The following IQGAP2 variants were observed in gnomAD, a reference collection of about 807,000 sequenced individuals.
IQGAP2 encodes ras GTPase-activating-like protein IQGAP2.
IQGAP2 carries 173 observed loss-of-function variants against 201.3 expected under a neutral mutation model. That is an observed-to-expected ratio of 0.86 (90% CI 0.76 to 0.98). The LOEUF is 0.98. Ranked by LOEUF, IQGAP2 falls within the 50% of genes least tolerant of loss-of-function variation. The pLI is 0.00. For synonymous variants in IQGAP2, 675 were observed against 673.9 expected, an observed-to-expected ratio of 1.00 and a Z score of -0.03; for missense variants, 1,687 against 1,864.8, an observed-to-expected ratio of 0.90 and a Z score of 1.76.
chr5:76,411,460 C>T (rs1580134144), intron 1 of IQGAP2, among the ~76,000 whole-genome samples: 1 of 152,124 alleles, frequency 6.6e-6, no homozygotes, highest in African/African-American at 2.4e-5. Flanking sequence ...CCCCAAAGTT[C>T]GTGTGTTGGA....
chr5:76,510,475 G>C (rs1433516390), intron 2 of IQGAP2: 1 of 327,670 alleles, frequency 3.1e-6, no homozygotes, highest in Non-Finnish European at 6.0e-6. Context: ...GCAGCACACA[G>C]GTGGCAGGAT....
intron 2 of IQGAP2, among the ~76,000 whole-genome samples, chr5:76,489,366 T>A (rs984351474): frequency 2.6e-5 from 4 of 152,208 alleles, no homozygotes; most frequent in African/African-American, 9.6e-5. Context: ...TAACTTTTTT[T>A]AGGAAAATAT....
Position 76,683,825 on chromosome 5 carries a change from T to G in IQGAP2, c.3813T>G (p.Ser1271Arg), listed in dbSNP as rs1203752605. ...ACCCTAACAAGGCAAATACACTAAG[T>G]CAGCTTTCAAAGACCGAGATTTCTC... Reference protein sequence around the residue: ...PNDPNKANTLSQLSKTEISLV... With the variant: ...PNDPNKANTLRQLSKTEISLV... The change falls in exon 30 of 36, where the codon AGT becomes AGG. Residue 1271 changes from serine to arginine, a missense_variant. Transcript: ENST00000274364. 1.9e-6 allele frequency: 3 copies of G among 1,613,588 alleles called. No individual in the cohort carries two copies. Among genetic ancestry groups the G allele is most frequent in the Non-Finnish European group, 2.5e-6 (3 of 1,179,796 alleles).
chr5:76,582,332 G>A (rs929017660), intron 5 of IQGAP2, among the ~76,000 whole-genome samples: 1 of 152,212 alleles, frequency 6.6e-6, no homozygotes, highest in African/African-American at 2.4e-5. Flanking sequence ...GAAGAATCAT[G>A]GAACTTGAGA....
chr5:76,572,263 G>C (rs1191309533), intron 4 of IQGAP2, among the ~76,000 whole-genome samples: 1 of 144,512 alleles, frequency 6.9e-6, no homozygotes, highest in Non-Finnish European at 1.5e-5. Context: ...ACCCAAGCTC[G>C]GGTGCATTGG....
At chr5:76,506,392 A>G (rs1343751864) in intron 2 of IQGAP2, among the ~76,000 whole-genome samples, 2 of 152,212 alleles carry the variant, frequency 1.3e-5, no homozygotes, top group Admixed American at 6.5e-5. Flanking sequence ...AAGTACTACT[A>G]TCTTTTTCCC....
chr5:76,572,297 T>C (rs1460654590), intron 4 of IQGAP2, among the ~76,000 whole-genome samples: 2 of 148,936 alleles, frequency 1.3e-5, no homozygotes, highest in African/African-American at 5.0e-5. Context: ...CACTGCAACC[T>C]CCGCCTCCCA....
In IQGAP2 at chr5:76,674,501, C is replaced by T. The variant is rs1312942955; in HGVS notation, c.3319C>T (p.Arg1107Trp). The change falls in exon 27 of 36, where the codon CGG (arginine) becomes TGG (tryptophan). Residue 1107 changes from arginine to tryptophan, a missense_variant. By Grantham distance (101) the Arg-to-Trp change is moderately radical. Coordinates refer to ENST00000274364, the MANE Select transcript of IQGAP2 (RefSeq NM_006633.5). ...LKIVGNLLYY[R>W]YMNPAIVAPD... ...GATTGTTGGAAACCTCCTGTACTAT[C>T]GGTACATGAATCCAGCCATTGTAGC... 4.3e-6 allele frequency: 7 copies of T among 1,612,956 alleles called. No individual in the cohort carries two copies. The highest frequency in any genetic ancestry group is 3.3e-5 in the Admixed American group (2 of 59,982).
intron 1 of IQGAP2, among the ~76,000 whole-genome samples, chr5:76,450,713 C>G (rs1753687619): frequency 6.6e-6 from 1 of 152,260 alleles, no homozygotes; most frequent in Non-Finnish European, 1.5e-5. Context: ...AGTCTGGTCT[C>G]CTTACAAACC....
At chr5:76,590,096 C>G (rs531044968) in intron 7 of IQGAP2, among the ~76,000 whole-genome samples, 1 of 152,172 alleles carries the variant, frequency 6.6e-6, no homozygotes, top group African/African-American at 2.4e-5. Flanking sequence ...TTACCCATGT[C>G]GCCCTGACCA....
chr5:76,673,658 C>A (rs1338320674), intron 25 of IQGAP2, 69 bp downstream of exon 25: 11 of 1,501,290 alleles, frequency 7.3e-6, no homozygotes, highest in Non-Finnish European at 9.2e-6. Flanking sequence ...GTAAAATAAG[C>A]CCCTGTAGTG....
At chr5:76,419,457 C>T (rs1751601060) in intron 1 of IQGAP2, among the ~76,000 whole-genome samples, 1 of 151,982 alleles carries the variant, frequency 6.6e-6, no homozygotes, top group South Asian at 2.1e-4. Context: ...CTGCCTCAGC[C>T]TCCCAAGTAG....
intron 2 of IQGAP2, among the ~76,000 whole-genome samples, chr5:76,504,635 T>G (rs1031137874): frequency 6.6e-6 from 1 of 152,172 alleles, no homozygotes; most frequent in Non-Finnish European, 1.5e-5. Context: ...TTTCAAACTT[T>G]AAATGTTTAA....
intron 1 of IQGAP2, among the ~76,000 whole-genome samples, chr5:76,450,263 C>T (rs1396386909): frequency 6.6e-6 from 1 of 152,166 alleles, no homozygotes; most frequent in Admixed American, 6.5e-5. Context: ...TGAACCTCAC[C>T]CACTCTTGCC....
At chr5:76,413,831 T>C (rs962854633) in intron 1 of IQGAP2, among the ~76,000 whole-genome samples, 1 of 152,222 alleles carries the variant, frequency 6.6e-6, no homozygotes, top group East Asian at 1.9e-4. Context: ...TTTGAATCTT[T>C]ATGCTTGCTT....
At chr5:76,425,478 A>G (rs1751943756) in intron 1 of IQGAP2, among the ~76,000 whole-genome samples, 1 of 152,210 alleles carries the variant, frequency 6.6e-6, no homozygotes, top group South Asian at 2.1e-4. Flanking sequence ...TCAGGAAGCA[A>G]AAAGGCAAGA....
At chr5:76,453,844 C>T (rs1436338597) in intron 1 of IQGAP2, among the ~76,000 whole-genome samples, 2 of 152,194 alleles carry the variant, frequency 1.3e-5, no homozygotes, top group Non-Finnish European at 2.9e-5. Flanking sequence ...CATACCGAGT[C>T]ATAGGGAGTT....
At chr5:76,520,954 G>A (rs569987228) in intron 2 of IQGAP2, among the ~76,000 whole-genome samples, 228 of 151,586 alleles carry the variant, frequency 1.5e-3, no homozygotes, top group African/African-American at 5.4e-3. Flanking sequence ...TGTTCCACCC[G>A]CCTCAGCCTC....
At chr5:76,696,993 T>A (rs1746809154) in intron 32 of IQGAP2, among the ~76,000 whole-genome samples, 1 of 152,138 alleles carries the variant, frequency 6.6e-6, no homozygotes. Flanking sequence ...TTTTAACTTG[T>A]TTACAAAAGA....
Sources: allele counts gnomAD v4.1 joint callset (sites outside exome capture counted in the v4.1 genomes callset), GRCh38; gene constraint gnomAD v4.1.1; transcripts MANE v1.5; gene names NCBI Gene and HGNC (gene_info 2026-07-23, HGNC 2026-07-21).